ZBTB25: variants seen among roughly 807,000 people sequenced by gnomAD.
ZBTB25 encodes the protein zinc finger and BTB domain-containing protein 25.
A neutral mutation model predicts 34.2 loss-of-function variants in ZBTB25; 20 were observed. That is an observed-to-expected ratio of 0.58 (90% confidence interval 0.41 to 0.85). The LOEUF (loss-of-function observed/expected upper bound fraction) is 0.85, where lower values mean the gene tolerates loss of function less well. ZBTB25 is among the 40% of genes least tolerant of loss of function. ZBTB25 has a pLI of 0.00. For synonymous variants in ZBTB25, 175 were observed against 186.4 expected, an observed-to-expected ratio of 0.94 and a Z score of 0.50; for missense variants, 437 against 521.8, an observed-to-expected ratio of 0.84 and a Z score of 1.58.
chr14:64,485,592 A>G lies in ZBTB25; in HGVS notation c.*1331T>C, dbSNP rs1251616676. On this transcript the variant is annotated 3_prime_UTR_variant, in exon 3 of 3. Coordinates refer to ENST00000608382, the MANE Select transcript of ZBTB25 (RefSeq NM_006977.5). Reference sequence around the variant, plus strand: ...GAGTTAAGTTGATTTATAGAGGAAAAGCTAACATCATGGATCTTAAATGTA... The same window carrying G: ...GAGTTAAGTTGATTTATAGAGGAAAGGCTAACATCATGGATCTTAAATGTA... 1 of 985,230 alleles carries G rather than the reference A, an allele frequency of 1.0e-6. No homozygotes were observed. Among genetic ancestry groups the G allele is most frequent in the Non-Finnish European group, 1.2e-6 (1 of 829,870 alleles). 61.0% of individuals were successfully genotyped at this position (985,230 alleles called of 1,614,324 possible).
chr14:64,469,896 C>T, intron 2 of ZBTB25: 1 of 432,470 alleles, frequency 2.3e-6, no homozygotes, highest in Non-Finnish European at 4.2e-6. Context: ...GCACAGATTG[C>T]AGTGTAAAAT....
chr14:64,451,987 AT>A (rs2078379761), intron 2 of ZBTB25, among the ~76,000 whole-genome samples: 1 of 152,156 alleles, frequency 6.6e-6, no homozygotes, highest in East Asian at 1.9e-4. Flanking sequence ...TTATAGATAG[AT>A]TATTGCTCCT....
At chr14:64,455,043 A>T in intron 2 of ZBTB25, 1 of 705,688 alleles carries the variant, frequency 1.4e-6, no homozygotes, top group Admixed American at 2.1e-5. Flanking sequence ...AGCAGGAGCT[A>T]TATAGCTCTT....
chr14:64,504,147 G>C (rs1457660699), upstream of ZBTB25: 1 of 152,848 alleles, frequency 6.5e-6, no homozygotes, highest in East Asian at 1.9e-4. Flanking sequence ...TGAGGGCGCG[G>C]GGCCAGGGAG....
downstream of ZBTB25, chr14:64,473,288 T>C (rs768316718): frequency 1.8e-5 from 3 of 167,194 alleles, no homozygotes; most frequent in Middle Eastern, 6.8e-3. Flanking sequence ...CAAAGAATAA[T>C]AAGCATGTGG....
intron 1 of ZBTB25, among the ~76,000 whole-genome samples, chr14:64,495,746 C>T (rs938952688): frequency 5.3e-5 from 8 of 152,104 alleles, no homozygotes; most frequent in Admixed American, 1.3e-4. Flanking sequence ...CACCTGAGGT[C>T]GGGAGTTCGA....
intron 2 of ZBTB25, chr14:64,455,025 A>G (rs1318357477): frequency 6.2e-6 from 5 of 802,624 alleles, no homozygotes; most frequent in Non-Finnish European, 1.1e-5. Context: ...GTGGATCATA[A>G]GCTATAAAGC....
intron 2 of ZBTB25, chr14:64,463,404 A>G (rs2078576739): frequency 6.6e-6 from 1 of 152,146 alleles, no homozygotes; most frequent in African/African-American, 2.4e-5. Context: ...ACCTTAAGGA[A>G]GTCTGTCCGA....
intron 1 of ZBTB25, among the ~76,000 whole-genome samples, chr14:64,494,283 G>A (rs913299209): frequency 6.6e-6 from 1 of 152,172 alleles, no homozygotes; most frequent in Admixed American, 6.5e-5. Context: ...GGTAACCTCT[G>A]ACAATAGTAC....
rs1390876299 is a variant in ZBTB25 at position 64,485,221 on chromosome 14, C to G, written c.*1702G>C. The G allele has an allele frequency of 2.1e-5, 21 of 985,422 alleles. No homozygotes were observed. The South Asian group carries it at 8.0e-4, about 37-fold the overall frequency. 61.0% of individuals were successfully genotyped at this position (985,422 alleles called of 1,614,324 possible). A position where few individuals can be genotyped will look rare whatever the true frequency, so the allele number is the denominator to read the frequency against. On this transcript the variant is annotated 3_prime_UTR_variant, in exon 3 of 3. Transcript: ENST00000608382. ...CTTTGAGCTCCCTCCTGATTGGACGCTGATGCTGTTGAATGTGTCAGGAAA... is the reference window on the plus strand; with the variant it reads ...CTTTGAGCTCCCTCCTGATTGGACGGTGATGCTGTTGAATGTGTCAGGAAA...
chr14:64,500,278 T>C (rs938314477), intron 1 of ZBTB25, among the ~76,000 whole-genome samples: 2 of 151,952 alleles, frequency 1.3e-5, no homozygotes, highest in Non-Finnish European at 2.9e-5. Flanking sequence ...GCAATGGAAG[T>C]ATACTCCCAT....
chr14:64,487,746 T>C lies in ZBTB25; in HGVS notation c.485A>G (p.Gln162Arg). Residue 162 changes from glutamine (Q) to arginine (R), a missense_variant, in exon 3 of 3, where the codon CAG becomes CGG. Coordinates refer to ENST00000608382, the MANE Select transcript of ZBTB25 (RefSeq NM_006977.5). ...CAACTGCAACTGGGGGTGGTCACCC[T>C]GGACAGCAGCTCTGTTTCCACTGTT... Reference protein sequence around the residue: ...SSNSGNRAAVQGDHPQLQLSL... With the variant: ...SSNSGNRAAVRGDHPQLQLSL... The C allele has an allele frequency of 6.2e-7, 1 of 1,614,168 alleles. No homozygotes were observed. The highest frequency in any genetic ancestry group is 1.7e-5 in the Admixed American group (1 of 60,020).
intron 2 of ZBTB25, among the ~76,000 whole-genome samples, chr14:64,457,537 C>G (rs1041846778): frequency 3.3e-5 from 5 of 151,214 alleles, no homozygotes; most frequent in Admixed American, 6.6e-5. Flanking sequence ...CTCACTGCAA[C>G]CTCCGCCTCC....
chr14:64,469,143 T>C lies in ZBTB25; in HGVS notation c.174-19505A>G, dbSNP rs1168522558. ...GTTCAACCCCAGCAAGCAAGCCCACTTGAAACTTCAGAAACAGACCATCAG... is the reference window on the plus strand; with the variant it reads ...GTTCAACCCCAGCAAGCAAGCCCACCTGAAACTTCAGAAACAGACCATCAG... On this transcript the variant is annotated intron_variant, in intron 2 of 2. Coordinates refer to the ZBTB25 transcript ENST00000555220. 1 of 1,614,132 alleles carries C rather than the reference T, an allele frequency of 6.2e-7. No individual in the cohort carries two copies. The highest frequency in any genetic ancestry group is 2.2e-5 in the East Asian group (1 of 44,884).
chr14:64,504,229 G>A (rs1292795466), upstream of ZBTB25: 2 of 152,108 alleles, frequency 1.3e-5, no homozygotes, highest in Admixed American at 1.3e-4. Context: ...GTGACTCAGG[G>A]CCAGAGGCAG....
At chr14:64,503,607 G>A in intron 1 of ZBTB25, 54 bp downstream of exon 1, 1 of 985,742 alleles carries the variant, frequency 1.0e-6, no homozygotes, top group Non-Finnish European at 1.2e-6. Flanking sequence ...GGTGGCTCGC[G>A]GCAGGAGGGA....
At chr14:64,499,143 T>G (rs1303173425) in intron 1 of ZBTB25, among the ~76,000 whole-genome samples, 1 of 152,216 alleles carries the variant, frequency 6.6e-6, no homozygotes, top group Non-Finnish European at 1.5e-5. Flanking sequence ...ATAGAACAAC[T>G]TTATACTAGT....
chr14:64,458,085 C>T, intron 2 of ZBTB25: 1 of 776,496 alleles, frequency 1.3e-6, no homozygotes, highest in Non-Finnish European at 2.4e-6. Context: ...AGATGGGGGT[C>T]TCACTATGTT....
intron 2 of ZBTB25, chr14:64,462,129 G>C (rs1198021129): frequency 2.6e-5 from 4 of 152,294 alleles, no homozygotes; most frequent in Admixed American, 2.0e-4. Flanking sequence ...ACACTCAGCT[G>C]AGTTTTGAAG....
Sources: allele counts gnomAD v4.1 joint callset (sites outside exome capture counted in the v4.1 genomes callset), GRCh38; gene constraint gnomAD v4.1.1; transcripts MANE v1.5; gene names NCBI Gene and HGNC (gene_info 2026-07-23, HGNC 2026-07-21).